Variants in INPP4B observed in about 807,000 individuals in gnomAD.
INPP4B encodes the protein inositol polyphosphate-4-phosphatase type II B, also known as inositol polyphosphate 4-phosphatase type II.
A neutral mutation model predicts 122.5 loss-of-function variants in INPP4B; 55 were observed. That is an observed-to-expected ratio of 0.45 (90% CI 0.36 to 0.56). The LOEUF is 0.56. Ranked by LOEUF, INPP4B falls within the 20% of genes least tolerant of loss-of-function variation. The probability of loss-of-function intolerance (pLI) is 0.00; values close to 1 mark genes in which losing one functional copy is unlikely to be tolerated. For missense variants in INPP4B, 1,000 were observed against 1,097.7 expected, an observed-to-expected ratio of 0.91 and a Z score of 1.26; for synonymous variants, 403 against 388.7, an observed-to-expected ratio of 1.04 and a Z score of -0.43.
At chr4:142,709,965 C>A (rs1467783131) in intron 2 of INPP4B, among the ~76,000 whole-genome samples, 2 of 152,088 alleles carry the variant, frequency 1.3e-5, no homozygotes, top group Non-Finnish European at 2.9e-5. Flanking sequence ...TTCTGACTTT[C>A]AAAAAATATA....
At chr4:142,217,156 A>G (rs1361392965) in intron 12 of INPP4B, among the ~76,000 whole-genome samples, 3 of 152,196 alleles carry the variant, frequency 2.0e-5, no homozygotes, top group Non-Finnish European at 4.4e-5. Context: ...AAAAAACAAA[A>G]ACAAAAAAAG....
intron 7 of INPP4B, among the ~76,000 whole-genome samples, chr4:142,352,521 A>T (rs911243818): frequency 6.6e-6 from 1 of 151,506 alleles, no homozygotes; most frequent in Admixed American, 6.6e-5. Flanking sequence ...TTCTACACCA[A>T]AAATATTCCC....
intron 7 of INPP4B, among the ~76,000 whole-genome samples, chr4:142,339,866 A>G (rs1429777864): frequency 6.6e-6 from 1 of 152,156 alleles, no homozygotes; most frequent in Non-Finnish European, 1.5e-5. Context: ...TGTAGTATTA[A>G]AAATAATAAG....
chr4:142,536,329 A>G (rs570528428), intron 2 of INPP4B, among the ~76,000 whole-genome samples: 70 of 152,224 alleles, frequency 4.6e-4, no homozygotes, highest in Middle Eastern at 6.8e-3. Flanking sequence ...GCTGCTCTCC[A>G]TTTCTCCATT....
chr4:142,593,093 G>A (rs1346932200), intron 2 of INPP4B, among the ~76,000 whole-genome samples: 4 of 148,578 alleles, frequency 2.7e-5, no homozygotes, highest in African/African-American at 5.0e-5. Context: ...GATACAGTGA[G>A]ATCCTGTTTT....
chr4:142,511,591 G>T (rs961411597), intron 2 of INPP4B, among the ~76,000 whole-genome samples: 1 of 152,012 alleles, frequency 6.6e-6, no homozygotes. Context: ...CTTACCTTTG[G>T]TCGGGCATTA....
At chr4:142,519,899 C>T (rs1364917) in intron 2 of INPP4B, among the ~76,000 whole-genome samples, 1 of 151,804 alleles carries the variant, frequency 6.6e-6, no homozygotes, top group Non-Finnish European at 1.5e-5. Flanking sequence ...CTTTTGGATA[C>T]CTGAATAATC....
chr4:142,618,771 A>G (rs1401015707), intron 2 of INPP4B, among the ~76,000 whole-genome samples: 1 of 152,080 alleles, frequency 6.6e-6, no homozygotes, highest in African/African-American at 2.4e-5. Context: ...AGAGTAAACA[A>G]TCAACAAAAT....
chr4:142,758,178 C>T (rs1770776228), intron 1 of INPP4B, among the ~76,000 whole-genome samples: 2 of 152,182 alleles, frequency 1.3e-5, no homozygotes, highest in African/African-American at 4.8e-5. Flanking sequence ...AAGAATCTTG[C>T]AATCATAGCA....
intron 9 of INPP4B, among the ~76,000 whole-genome samples, chr4:142,284,928 T>C (rs1752824467): frequency 6.6e-6 from 1 of 152,060 alleles, no homozygotes; most frequent in South Asian, 2.1e-4. Context: ...ATTTTGCTTG[T>C]GGAATATAGC....
At chr4:142,641,198 A>G (rs1750329987) in intron 2 of INPP4B, among the ~76,000 whole-genome samples, 1 of 152,130 alleles carries the variant, frequency 6.6e-6, no homozygotes, top group Non-Finnish European at 1.5e-5. Flanking sequence ...TCAACAAACT[A>G]CTAGATTGCT....
chr4:142,383,956 A>C, intron 7 of INPP4B: 1 of 620,786 alleles, frequency 1.6e-6, no homozygotes, highest in Admixed American at 2.5e-5. Context: ...TGTCTCATTA[A>C]GTTACCATCG....
intron 7 of INPP4B, among the ~76,000 whole-genome samples, chr4:142,386,855 C>T (rs13128245): frequency 0.29 from 43,451 of 151,962 alleles, 7,601 homozygotes; most frequent in South Asian, 0.45. Context: ...AAGTGAGGTC[C>T]GAAGTAGACC....
chr4:142,554,857 T>C (rs763932627), intron 2 of INPP4B, among the ~76,000 whole-genome samples: 5 of 152,228 alleles, frequency 3.3e-5, no homozygotes, highest in Non-Finnish European at 5.9e-5. Context: ...TGAAAAATGA[T>C]GCATTAAACA....
chr4:142,131,969 A>C (rs567707146), intron 18 of INPP4B, among the ~76,000 whole-genome samples: 2 of 152,006 alleles, frequency 1.3e-5, no homozygotes, highest in South Asian at 2.1e-4. Flanking sequence ...AAAAAAAAAA[A>C]CAAAAATATT....
At chr4:142,234,719 G>A (rs1335062348) in intron 12 of INPP4B, among the ~76,000 whole-genome samples, 1 of 152,098 alleles carries the variant, frequency 6.6e-6, no homozygotes, top group African/African-American at 2.4e-5. Context: ...TATACCTTTT[G>A]TTTTTGTAGA....
At chr4:142,082,237 G>A in intron 24 of INPP4B, 52 bp from the exon 25 acceptor site, 1 of 1,422,346 alleles carries the variant, frequency 7.0e-7, no homozygotes, top group Non-Finnish European at 9.5e-7. Context: ...ATACCGTAAA[G>A]TGTCGGCCTC....
chr4:142,493,903 T>A (rs557041140), intron 2 of INPP4B, among the ~76,000 whole-genome samples: 15 of 152,310 alleles, frequency 9.8e-5, no homozygotes, highest in Admixed American at 5.2e-4. Context: ...CCCACACAAA[T>A]CTTATCCTGA....
intron 2 of INPP4B, among the ~76,000 whole-genome samples, chr4:142,492,110 T>C (rs1321110374): frequency 1.3e-5 from 2 of 152,118 alleles, no homozygotes. Flanking sequence ...TTTCACCCTT[T>C]GCTTGGCACT....
Sources: allele counts gnomAD v4.1 joint callset (sites outside exome capture counted in the v4.1 genomes callset), GRCh38; gene constraint gnomAD v4.1.1; transcripts MANE v1.5; gene names NCBI Gene and HGNC (gene_info 2026-07-23, HGNC 2026-07-21).